Variants in RTL4 observed in about 807,000 individuals in gnomAD.
RTL4 encodes retrotransposon Gag like 4.
RTL4 carries 4 observed loss-of-function variants against 5.3 expected under a neutral mutation model. The observed-to-expected ratio is 0.75, with a 90% CI of 0.37 to 1.72. The LOEUF (loss-of-function observed/expected upper bound fraction) is 1.72, where lower values mean the gene tolerates loss of function less well. RTL4 is among the 40% of genes most tolerant of loss of function. The pLI is 0.04. For missense variants in RTL4, 260 were observed against 227.1 expected, an observed-to-expected ratio of 1.14 and a Z score of -0.93; for synonymous variants, 98 against 87.3, an observed-to-expected ratio of 1.12 and a Z score of -0.68.
the RTL4 span, among the ~76,000 whole-genome samples, chrX:112,207,659 T>G: frequency 4.7e-5 from 5 of 106,535 alleles, no homozygotes; most frequent in Non-Finnish European, 9.7e-5. Flanking sequence ...TTTTTTCAAA[T>G]TAAATCTTCT....
At chrX:112,175,748 C>G in the RTL4 span, among the ~76,000 whole-genome samples, 2 of 110,805 alleles carry the variant, frequency 1.8e-5, no homozygotes, top group African/African-American at 6.6e-5. Flanking sequence ...TAAGAGCTAT[C>G]TATCACAAAC....
chrX:112,443,608 AT>A, the RTL4 span, among the ~76,000 whole-genome samples: 4 of 111,591 alleles, frequency 3.6e-5, no homozygotes, highest in African/African-American at 1.3e-4. Flanking sequence ...TTATTGCACG[AT>A]TTTTTTAGTA....
At chrX:112,241,223 G>C in the RTL4 span, among the ~76,000 whole-genome samples, 1 of 110,990 alleles carries the variant, frequency 9.0e-6, no homozygotes, top group African/African-American at 3.3e-5. Context: ...TGGGATCACT[G>C]GGTCAAATGG....
At chrX:112,095,583 G>A in the RTL4 span, among the ~76,000 whole-genome samples, 1 of 111,658 alleles carries the variant, frequency 9.0e-6, no homozygotes. Flanking sequence ...TCTATGGATA[G>A]GGTAAAAATA....
chrX:112,313,526 G>A, the RTL4 span, among the ~76,000 whole-genome samples: 3 of 111,117 alleles, frequency 2.7e-5, no homozygotes, highest in Admixed American at 2.9e-4. Flanking sequence ...TCACTCAGAT[G>A]AAGTTGGGGC....
chrX:112,275,874 A>G, the RTL4 span, among the ~76,000 whole-genome samples: 1 of 111,947 alleles, frequency 8.9e-6, no homozygotes, highest in Non-Finnish European at 1.9e-5. Context: ...GTTCAAGGCT[A>G]CAGTGTGCTA....
the RTL4 span, among the ~76,000 whole-genome samples, chrX:112,223,409 C>T: frequency 8.9e-6 from 1 of 112,037 alleles, no homozygotes; most frequent in Non-Finnish European, 1.9e-5. Context: ...AATCCTATTT[C>T]CTTGATGTAA....
the RTL4 span, among the ~76,000 whole-genome samples, chrX:112,238,376 T>C: frequency 8.9e-6 from 1 of 112,077 alleles, no homozygotes; most frequent in South Asian, 3.7e-4. Flanking sequence ...TTCTTCTAGA[T>C]TTGCCCATGA....
chrX:112,086,058 G>A, the RTL4 span, among the ~76,000 whole-genome samples: 2 of 111,404 alleles, frequency 1.8e-5, no homozygotes, highest in African/African-American at 6.5e-5. Context: ...AAGGGGAAAG[G>A]GTTACTGATT....
chrX:112,194,855 G>A, the RTL4 span, among the ~76,000 whole-genome samples: 975 of 112,135 alleles, frequency 8.7e-3, 11 homozygotes, highest in African/African-American at 0.03. Flanking sequence ...ACTAAGTTTA[G>A]AATGAAAGCT....
chrX:112,132,046 G>C, the RTL4 span, among the ~76,000 whole-genome samples: 1 of 111,713 alleles, frequency 9.0e-6, no homozygotes, highest in Non-Finnish European at 1.9e-5. Context: ...GTCTGGATCT[G>C]AATCCAGGTC....
the RTL4 span, chrX:112,381,629 G>A: frequency 8.5e-5 from 102 of 1,200,522 alleles, no homozygotes; most frequent in East Asian, 3.0e-3. Flanking sequence ...CTTCAGGTGT[G>A]CCGAACAAAT....
At chrX:112,383,146 GTAAT>G in the RTL4 span, among the ~76,000 whole-genome samples, 1 of 111,771 alleles carries the variant, frequency 8.9e-6, no homozygotes, top group Non-Finnish European at 1.9e-5. Context: ...AGTATCTTTT[GTAAT>G]TAATGTGTAC....
the RTL4 span, among the ~76,000 whole-genome samples, chrX:112,198,993 T>A: frequency 9.0e-6 from 1 of 110,823 alleles, no homozygotes; most frequent in Admixed American, 9.7e-5. Flanking sequence ...ACAACAGATA[T>A]AAAGACCTGA....
At chrX:112,150,947 A>G in the RTL4 span, among the ~76,000 whole-genome samples, 1 of 112,302 alleles carries the variant, frequency 8.9e-6, no homozygotes, top group Non-Finnish European at 1.9e-5. Flanking sequence ...GTCACTGACC[A>G]TCTGGTTTAC....
At chrX:112,120,774 C>G in the RTL4 span, among the ~76,000 whole-genome samples, 14 of 111,593 alleles carry the variant, frequency 1.3e-4, no homozygotes, top group African/African-American at 4.6e-4. Flanking sequence ...TGAAACATCA[C>G]TCTTTTCCTG....
chrX:112,351,780 T>C, the RTL4 span, among the ~76,000 whole-genome samples: 7 of 111,430 alleles, frequency 6.3e-5, no homozygotes, highest in South Asian at 3.8e-4. Context: ...TGAGATGGGT[T>C]TCCTGAATAC....
the RTL4 span, among the ~76,000 whole-genome samples, chrX:112,168,965 TTTTC>T: frequency 4.3e-5 from 4 of 92,359 alleles, no homozygotes; most frequent in African/African-American, 1.2e-4. Context: ...CTTTCTTTCT[TTTTC>T]TTTCTTTCTT....
At chrX:112,455,334 G>A (rs1397980577) in exon 1 of RTL4, 1 of 1,209,506 alleles carries the variant, frequency 8.3e-7, no homozygotes, top group Non-Finnish European at 1.1e-6. Context: ...CTGATATGAT[G>A]GACAATCTTC....
Sources: gnomAD v4.1 joint callset for allele counts (sites outside exome capture counted in the v4.1 genomes callset) on GRCh38, gnomAD v4.1.1 for gene constraint, MANE v1.5 for transcripts, NCBI Gene and HGNC (gene_info 2026-07-23, HGNC 2026-07-21) for gene names.